Variants in ASS1 observed in about 807,000 individuals in gnomAD.
The protein encoded by ASS1 is argininosuccinate synthase 1, also known as argininosuccinate synthase.
A neutral mutation model predicts 60.5 loss-of-function variants in ASS1; 58 were observed. That is an observed-to-expected ratio of 0.96 (90% CI 0.78 to 1.19). The LOEUF is 1.19. Ranked by LOEUF, ASS1 falls within the 50% of genes most tolerant of loss-of-function variation. The pLI, the probability that ASS1 is intolerant of heterozygous loss-of-function variation, is 0.00. For missense variants in ASS1, 454 were observed against 547.3 expected, an observed-to-expected ratio of 0.83 and a Z score of 1.70; for synonymous variants, 200 against 206.9, an observed-to-expected ratio of 0.97 and a Z score of 0.29.
At chr9:130,485,946 G>A (rs1199139844) in intron 11 of ASS1, among the ~76,000 whole-genome samples, 1 of 152,108 alleles carries the variant, frequency 6.6e-6, no homozygotes, top group Non-Finnish European at 1.5e-5. Context: ...CCTTTCTGGT[G>A]GCTTTTTTGG....
At chr9:130,466,679 C>G (rs1362664594) in intron 5 of ASS1, 46 bp from the exon 6 acceptor site, 3 of 1,582,456 alleles carry the variant, frequency 1.9e-6, no homozygotes, top group Non-Finnish European at 2.6e-6. Context: ...CCAGGGGAAG[C>G]CCACAGCTCG....
chr9:130,467,522 G>A (rs1640990540), intron 6 of ASS1, among the ~76,000 whole-genome samples: 1 of 152,140 alleles, frequency 6.6e-6, no homozygotes, highest in Admixed American at 6.5e-5. Context: ...AGCTCTCGCT[G>A]CAGCCAAGGT....
intron 14 of ASS1, 98 bp from the exon 15 acceptor site, chr9:130,500,878 G>A: frequency 7.4e-7 from 1 of 1,343,742 alleles, no homozygotes; most frequent in Non-Finnish European, 1.1e-6. Context: ...TTAACAAACA[G>A]CTGCCCCAGC....
chr9:130,458,336 G>T, intron 3 of ASS1, 65 bp from the exon 4 acceptor site: 1 of 1,603,880 alleles, frequency 6.2e-7, no homozygotes, highest in Admixed American at 1.7e-5. Context: ...AGGCCCCTGG[G>T]GCTCTGTATG....
intron 3 of ASS1, among the ~76,000 whole-genome samples, chr9:130,457,890 G>T (rs980786351): frequency 6.6e-6 from 1 of 152,158 alleles, no homozygotes; most frequent in African/African-American, 2.4e-5. Flanking sequence ...TGGCCGCGGT[G>T]GCTTGTGCCT....
intron 4 of ASS1, among the ~76,000 whole-genome samples, chr9:130,463,706 C>T (rs1845659078): frequency 6.6e-6 from 1 of 152,198 alleles, no homozygotes; most frequent in Non-Finnish European, 1.5e-5. Context: ...TCCAAGCACC[C>T]TGGTGCCCCA....
chr9:130,450,463 C>G (rs1018077926), intron 1 of ASS1: 4 of 550,440 alleles, frequency 7.3e-6, no homozygotes, highest in Admixed American at 6.4e-5. Context: ...GGCTGAGTCA[C>G]CAGCAACTCA....
In ASS1 at chr9:130,472,293, C is replaced by T. The variant is rs188991682; in HGVS notation, c.597+778C>T. On this transcript the variant is annotated intron_variant, in intron 8 of 14. Coordinates refer to ENST00000352480, the MANE Select transcript of ASS1 (RefSeq NM_054012.4). ...AAGACCAGCTGGAGGGGAGGGTGCC[C>T]GGGGAGGTTTGGTGAAATTGGGGAG... Among the ~76,000 whole-genome samples the T allele has an allele frequency of 4.3e-4, 65 of 152,150 alleles. No individual in the cohort carries two copies. The East Asian group carries it at 0.012, about 29-fold the overall frequency.
chr9:130,463,344 G>C (rs896016789), intron 4 of ASS1, among the ~76,000 whole-genome samples: 2 of 152,248 alleles, frequency 1.3e-5, no homozygotes, highest in African/African-American at 2.4e-5. Context: ...CTCGGCATCA[G>C]TGTGGACGGT....
intron 1 of ASS1, chr9:130,451,909 T>C (rs779596443): frequency 1.9e-6 from 1 of 538,294 alleles, no homozygotes; most frequent in South Asian, 1.5e-5. Flanking sequence ...TGGGCCAAAC[T>C]GCTCAGCCTC....
At chr9:130,499,367 C>A in intron 13 of ASS1, 138 bp from the exon 14 acceptor site, 7 of 875,738 alleles carry the variant, frequency 8.0e-6, no homozygotes, top group South Asian at 7.2e-5. Flanking sequence ...GGAAAGCCGA[C>A]GTGCAGGGAG....
chr9:130,470,743 TG>T lies in ASS1; in HGVS notation c.496-87del. On this transcript the variant is annotated intron_variant, in intron 6 of 14. Transcript: ENST00000352480. The surrounding 1 kb of genome is among the most constrained non-coding windows in gnomAD (Gnocchi z 4.3). ...TCTTGTCTGAATGGGGGCCAGAGTT[TG>T]GGGCTCTCTGAAAAAGCAGGGCCCC... 7.8e-7 allele frequency: 1 copy of T among 1,275,282 alleles called. No individual in the cohort carries two copies. The highest frequency in any genetic ancestry group is 1.1e-6 in the Non-Finnish European group (1 of 874,782). 79.0% of individuals were successfully genotyped at this position (1,275,282 alleles called of 1,614,324 possible).
At chr9:130,462,203 G>A (rs73657388) in intron 4 of ASS1, among the ~76,000 whole-genome samples, 3,564 of 152,204 alleles carry the variant, frequency 0.023, 134 homozygotes, top group African/African-American at 0.079. Flanking sequence ...GACTCTAGCC[G>A]GGGAGCGAGA....
chr9:130,476,752 C>T lies in ASS1; in HGVS notation c.598-119C>T. 3.0e-6 allele frequency: 3 copies of T among 999,190 alleles called. No individual in the cohort carries two copies. Among genetic ancestry groups the T allele is most frequent in the Non-Finnish European group, 3.2e-6 (2 of 623,108 alleles). 61.9% of individuals were successfully genotyped at this position (999,190 alleles called of 1,614,324 possible). A position where few individuals can be genotyped will look rare whatever the true frequency, so the allele number is the denominator to read the frequency against. ...GCTGGGGACCGGGGGATCTGCCGGA[C>T]CCCACCAGCTGGTGGGGAAATGGAC... On this transcript the variant is annotated intron_variant, in intron 8 of 14. Coordinates refer to ENST00000352480, the MANE Select transcript of ASS1 (RefSeq NM_054012.4). The surrounding 1 kb of genome is among the most constrained non-coding windows in gnomAD (Gnocchi z 4.9).
chr9:130,480,846 G>A (rs1846154957), intron 11 of ASS1, among the ~76,000 whole-genome samples: 1 of 152,228 alleles, frequency 6.6e-6, no homozygotes, highest in African/African-American at 2.4e-5. Flanking sequence ...GGCCAGGCAG[G>A]GCGAAAATCC....
intron 11 of ASS1, among the ~76,000 whole-genome samples, chr9:130,487,918 A>AT (rs1846347178): frequency 6.6e-6 from 1 of 151,724 alleles, no homozygotes; most frequent in Non-Finnish European, 1.5e-5. Context: ...GCCCGGCTAA[A>AT]TTTTTTTGTT....
intron 8 of ASS1, among the ~76,000 whole-genome samples, chr9:130,472,833 G>A (rs1356649709): frequency 3.3e-5 from 5 of 152,192 alleles, no homozygotes; most frequent in Admixed American, 6.5e-5. Context: ...TCTCAGGCCC[G>A]TGGGCCCCAA....
At chr9:130,450,501 G>A (rs757321147) in intron 1 of ASS1, among the ~76,000 whole-genome samples, 2 of 152,332 alleles carry the variant, frequency 1.3e-5, no homozygotes, top group Non-Finnish European at 2.9e-5. Flanking sequence ...GCCCAGTAGG[G>A]ACGTTGTGGG....
At chr9:130,498,748 G>A (rs1185753012) in intron 13 of ASS1, among the ~76,000 whole-genome samples, 2 of 152,210 alleles carry the variant, frequency 1.3e-5, no homozygotes, top group African/African-American at 4.8e-5. Context: ...CTGGTGGCGG[G>A]TGGCGGAAAC....
Sources: gnomAD v4.1 joint callset for allele counts (sites outside exome capture counted in the v4.1 genomes callset) on GRCh38, gnomAD v4.1.1 for gene constraint, Gnocchi (gnomAD v3.1) non-coding constraint, MANE v1.5 for transcripts, NCBI Gene and HGNC (gene_info 2026-07-23, HGNC 2026-07-21) for gene names.